RAPGEF5: variants seen among roughly 807,000 people sequenced by gnomAD.
RAPGEF5 encodes M-Ras-regulated GEF.
RAPGEF5 carries 65 observed loss-of-function variants against 125.2 expected under a neutral mutation model. That is an observed-to-expected ratio of 0.52 (90% CI 0.43 to 0.64). The LOEUF is 0.64. RAPGEF5 is among the 30% of genes least tolerant of loss of function. The pLI is 0.00. For missense variants in RAPGEF5, 958 were observed against 1,048.1 expected (o/e 0.91, Z 1.19); for synonymous variants, 391 against 385.9 (o/e 1.01, Z -0.16).
chr7:22,192,440 A>G (rs1242564229), intron 11 of RAPGEF5: 1 of 152,238 alleles, frequency 6.6e-6, no homozygotes, highest in Non-Finnish European at 1.5e-5. Flanking sequence ...GACACAAGGA[A>G]ATTCTTGTTC....
At chr7:22,147,585 T>G (rs1427470069) in intron 18 of RAPGEF5, among the ~76,000 whole-genome samples, 2 of 152,124 alleles carry the variant, frequency 1.3e-5, no homozygotes, top group Admixed American at 1.3e-4. Flanking sequence ...CATGGTAGAT[T>G]ATTATTTTAA....
intron 6 of RAPGEF5, among the ~76,000 whole-genome samples, chr7:22,272,122 T>G (rs933280765): frequency 1.3e-5 from 2 of 151,844 alleles, no homozygotes; most frequent in African/African-American, 4.8e-5. Flanking sequence ...GGTGGGCAGA[T>G]CATGAGGTCA....
At chr7:22,350,875 G>C (rs747417756) in intron 1 of RAPGEF5, among the ~76,000 whole-genome samples, 1 of 152,082 alleles carries the variant, frequency 6.6e-6, no homozygotes, top group East Asian at 1.9e-4. Flanking sequence ...TTACACCAAG[G>C]ATCAGGATAG....
At chr7:22,347,067 A>T (rs1251126433) in intron 1 of RAPGEF5, among the ~76,000 whole-genome samples, 2 of 152,156 alleles carry the variant, frequency 1.3e-5, no homozygotes, top group African/African-American at 2.4e-5. Context: ...TCCTAAAAAA[A>T]GCTGTAAGAA....
intron 17 of RAPGEF5, among the ~76,000 whole-genome samples, chr7:22,151,093 CTG>C (rs1783611654): frequency 2.0e-5 from 3 of 152,158 alleles, no homozygotes; most frequent in Admixed American, 2.0e-4. Context: ...CTTTCCTCTA[CTG>C]TTGAACATTT....
rs532184983 is a variant in RAPGEF5, at chr7:22,301,010, T to C, written c.680+7329A>G. Among the ~76,000 whole-genome samples the C allele has an allele frequency of 2.0e-5, 3 of 152,298 alleles. No individual in the cohort carries two copies. In the East Asian group the frequency reaches 5.8e-4, roughly 29 times the overall value. ...CTGCCTTTGAGGCAACGCTGGGAAA[T>C]AAAAGAAACGGAAAGGGAAAACTCA... On this transcript the variant is annotated intron_variant, in intron 5 of 25. Coordinates refer to ENST00000665637, the MANE Select transcript of RAPGEF5 (RefSeq NM_012294.5).
At chr7:22,200,353 T>C (rs982150838) in intron 9 of RAPGEF5, among the ~76,000 whole-genome samples, 7 of 152,118 alleles carry the variant, frequency 4.6e-5, no homozygotes, top group African/African-American at 1.7e-4. Flanking sequence ...GCTGGCAAGA[T>C]AGAAATGATT....
intron 20 of RAPGEF5, among the ~76,000 whole-genome samples, chr7:22,142,149 G>A (rs998945811): frequency 2.6e-5 from 4 of 152,290 alleles, no homozygotes; most frequent in South Asian, 4.1e-4. Context: ...GCTCCAGTTC[G>A]AAGTCTCTCT....
At chr7:22,132,751 G>T (rs896641430) in intron 23 of RAPGEF5, among the ~76,000 whole-genome samples, 10 of 152,142 alleles carry the variant, frequency 6.6e-5, no homozygotes, top group African/African-American at 1.9e-4. Context: ...GGGATGATGA[G>T]GAGGGCAGTG....
chr7:22,285,917 C>A (rs1782785254), intron 6 of RAPGEF5, among the ~76,000 whole-genome samples: 1 of 152,122 alleles, frequency 6.6e-6, no homozygotes, highest in African/African-American at 2.4e-5. Context: ...CAGAGAAGAA[C>A]CATACAAATA....
intron 1 of RAPGEF5, among the ~76,000 whole-genome samples, chr7:22,342,335 G>C (rs1268419844): frequency 6.6e-6 from 1 of 152,172 alleles, no homozygotes; most frequent in Non-Finnish European, 1.5e-5. Flanking sequence ...TTTCCTCCTA[G>C]GCCTCTGGGC....
At chr7:22,299,738 C>G (rs1783151767) in intron 5 of RAPGEF5, among the ~76,000 whole-genome samples, 1 of 152,118 alleles carries the variant, frequency 6.6e-6, no homozygotes, top group South Asian at 2.1e-4. Context: ...TTTTTAAAAT[C>G]TGTTTTCATT....
At chr7:22,281,760 C>T (rs376864959) in intron 6 of RAPGEF5, among the ~76,000 whole-genome samples, 26 of 152,334 alleles carry the variant, frequency 1.7e-4, no homozygotes, top group East Asian at 7.7e-4. Flanking sequence ...CATTCTCCTT[C>T]GCTATTCTAA....
intron 17 of RAPGEF5, among the ~76,000 whole-genome samples, chr7:22,153,941 G>T (rs1403611446): frequency 6.6e-6 from 1 of 152,132 alleles, no homozygotes; most frequent in Non-Finnish European, 1.5e-5. Context: ...GGATACATAA[G>T]GCCCAACAGA....
chr7:22,337,485 A>G (rs979026885), intron 1 of RAPGEF5, among the ~76,000 whole-genome samples: 4 of 152,220 alleles, frequency 2.6e-5, no homozygotes, highest in Admixed American at 2.6e-4. Flanking sequence ...CTATACCTAC[A>G]TCTTAGCAGA....
At chr7:22,219,193 T>A (rs1785717019) in intron 9 of RAPGEF5, among the ~76,000 whole-genome samples, 1 of 152,116 alleles carries the variant, frequency 6.6e-6, no homozygotes, top group Non-Finnish European at 1.5e-5. Flanking sequence ...TAACAATGTG[T>A]GGCACAAGAA....
intron 6 of RAPGEF5, among the ~76,000 whole-genome samples, chr7:22,285,710 T>A (rs764691962): frequency 6.6e-6 from 1 of 152,220 alleles, no homozygotes; most frequent in Non-Finnish European, 1.5e-5. Context: ...AGAAAATGAC[T>A]GAAGTTTCAG....
chr7:22,260,671 T>A (rs1398964920), intron 7 of RAPGEF5, among the ~76,000 whole-genome samples: 4 of 152,068 alleles, frequency 2.6e-5, no homozygotes. Context: ...AGAAACACAT[T>A]ATCTCAAAAA....
chr7:22,224,466 T>C (rs13221824), intron 8 of RAPGEF5, among the ~76,000 whole-genome samples: 1 of 152,230 alleles, frequency 6.6e-6, no homozygotes, highest in Non-Finnish European at 1.5e-5. Context: ...TCTCTTTCCA[T>C]GTCATCTGCA....
Sources: gnomAD v4.1 joint callset for allele counts (sites outside exome capture counted in the v4.1 genomes callset) on GRCh38, gnomAD v4.1.1 for gene constraint, MANE v1.5 for transcripts, NCBI Gene and HGNC (gene_info 2026-07-23, HGNC 2026-07-21) for gene names.